Variants in EEPD1 observed in about 807,000 individuals in gnomAD.
The protein encoded by EEPD1 is endonuclease/exonuclease/phosphatase family domain containing 1.
Under a neutral mutation model 46.3 loss-of-function variants are expected in EEPD1, and 17 were observed. The observed-to-expected ratio is 0.37, with a 90% CI of 0.25 to 0.55. The LOEUF (loss-of-function observed/expected upper bound fraction) is 0.55, where lower values mean the gene tolerates loss of function less well. Among genes scored for constraint, EEPD1 ranks in the 20% least tolerant of loss-of-function variants. The pLI is 0.83. For missense variants in EEPD1, 673 were observed against 745.6 expected, an observed-to-expected ratio of 0.90 and a Z score of 1.13; for synonymous variants, 313 against 315.6, an observed-to-expected ratio of 0.99 and a Z score of 0.09.
At chr7:36,272,519 T>G (rs1426160817) in intron 3 of EEPD1, among the ~76,000 whole-genome samples, 9 of 143,320 alleles carry the variant, frequency 6.3e-5, no homozygotes, top group African/African-American at 2.2e-4. Context: ...TTTTTTTTTT[T>G]TTTGTGCTCC....
intron 3 of EEPD1, among the ~76,000 whole-genome samples, chr7:36,259,201 G>A (rs542107662): frequency 1.4e-4 from 22 of 152,282 alleles, no homozygotes; most frequent in African/African-American, 4.8e-4. Flanking sequence ...TCAATGAGAT[G>A]AGCCAGGTAC....
intron 2 of EEPD1, among the ~76,000 whole-genome samples, chr7:36,157,102 G>A (rs2002959): frequency 0.29 from 43,684 of 152,000 alleles, 6,490 homozygotes; most frequent in African/African-American, 0.38. Context: ...GTAATCTAAA[G>A]ATGAATTAAA....
At chr7:36,171,268 T>C (rs372351672) in intron 2 of EEPD1, among the ~76,000 whole-genome samples, 2 of 151,568 alleles carry the variant, frequency 1.3e-5, no homozygotes, top group African/African-American at 2.4e-5. Flanking sequence ...GGCTGTACGC[T>C]AAACCTCAGA....
At chr7:36,184,991 A>G (rs1400784434) in intron 2 of EEPD1, among the ~76,000 whole-genome samples, 14 of 152,188 alleles carry the variant, frequency 9.2e-5, no homozygotes, top group African/African-American at 2.9e-4. Flanking sequence ...TGGGCCTTCC[A>G]AAGTGCTGGG....
chr7:36,252,829 CTTTTTTTTTTTTTTTTTTT>C (rs71553053), intron 3 of EEPD1, among the ~76,000 whole-genome samples: 16 of 54,896 alleles, frequency 2.9e-4, no homozygotes, highest in African/African-American at 7.7e-4. Flanking sequence ...GTGTTCTCTC[CTTTTTTTTTTTTTTTTTTT>C]TTTTTTTTTT....
In EEPD1 at chr7:36,154,382, C is replaced by G. The variant is rs371723136; in HGVS notation, c.58C>G (p.His20Asp). ...SIPRDPSDLS[H>D]SRKFSAACNF... ...CCCCAGGGACCCCTCGGACCTGTCC[C>G]ATAGCCGCAAGTTCAGCGCAGCCTG... The change falls in exon 2 of 8, where the codon CAT becomes GAT. Residue 20 changes from histidine to aspartate, a missense_variant. Coordinates refer to ENST00000242108, the MANE Select transcript of EEPD1 (RefSeq NM_030636.3). This position sits in a 1 kb window ranked among gnomAD's most constrained non-coding sequence, Gnocchi z 4.2. 2.2e-5 allele frequency: 35 copies of G among 1,613,786 alleles called. No homozygotes were observed. The highest frequency in any genetic ancestry group is 3.0e-5 in the Non-Finnish European group (35 of 1,180,052).
At chr7:36,209,593 T>C (rs983259528) in intron 2 of EEPD1, among the ~76,000 whole-genome samples, 5 of 152,178 alleles carry the variant, frequency 3.3e-5, no homozygotes, top group Admixed American at 2.0e-4. Flanking sequence ...TGGGAGGCTA[T>C]TAAGAGCCAC....
intron 3 of EEPD1, among the ~76,000 whole-genome samples, chr7:36,262,182 C>A (rs1266061950): frequency 6.6e-6 from 1 of 152,196 alleles, no homozygotes; most frequent in African/African-American, 2.4e-5. Flanking sequence ...CGCATTTTTA[C>A]ATGCAGAATT....
At chr7:36,268,221 G>C (rs570049731) in intron 3 of EEPD1, among the ~76,000 whole-genome samples, 3 of 151,698 alleles carry the variant, frequency 2.0e-5, no homozygotes, top group African/African-American at 7.3e-5. Flanking sequence ...GTGTGATCTC[G>C]GCTCACTGCA....
chr7:36,183,888 T>TTTTTTTTTTG (rs3053348), intron 2 of EEPD1, among the ~76,000 whole-genome samples: 3 of 135,418 alleles, frequency 2.2e-5, no homozygotes, highest in Non-Finnish European at 4.9e-5. Flanking sequence ...TTTTTTTTTT[T>TTTTTTTTTTG]ATTTTTAAAA....
At chr7:36,173,852 G>A (rs1785130456) in intron 2 of EEPD1, among the ~76,000 whole-genome samples, 1 of 152,100 alleles carries the variant, frequency 6.6e-6, no homozygotes, top group African/African-American at 2.4e-5. Flanking sequence ...GACACATGGT[G>A]GGCAGCAGAG....
At chr7:36,253,216 A>G (rs1032848643) in intron 3 of EEPD1, among the ~76,000 whole-genome samples, 3 of 152,114 alleles carry the variant, frequency 2.0e-5, no homozygotes, top group African/African-American at 7.2e-5. Context: ...TTGGTTATTT[A>G]CAAGTGTATT....
At chr7:36,178,796 G>T (rs925853028) in intron 2 of EEPD1, among the ~76,000 whole-genome samples, 3 of 152,202 alleles carry the variant, frequency 2.0e-5, no homozygotes, top group Non-Finnish European at 2.9e-5. Context: ...AGCCCTCGAA[G>T]GTAAACTGTG....
chr7:36,207,049 A>T (rs541584164), intron 2 of EEPD1, among the ~76,000 whole-genome samples: 7 of 152,246 alleles, frequency 4.6e-5, no homozygotes, highest in Non-Finnish European at 8.8e-5. Context: ...ACTCTGTCTC[A>T]AAAACAAAAA....
intron 2 of EEPD1, among the ~76,000 whole-genome samples, chr7:36,157,588 C>G (rs1784845164): frequency 6.6e-6 from 1 of 152,224 alleles, no homozygotes; most frequent in African/African-American, 2.4e-5. Context: ...TAGAAGGGAT[C>G]ACCTGTAAGT....
intron 2 of EEPD1, among the ~76,000 whole-genome samples, chr7:36,183,168 G>T (rs1386660515): frequency 6.6e-6 from 1 of 152,210 alleles, no homozygotes; most frequent in Non-Finnish European, 1.5e-5. Context: ...GCAGCTGACT[G>T]TGTAGTGTTC....
intron 3 of EEPD1, among the ~76,000 whole-genome samples, chr7:36,251,155 C>T (rs1358092906): frequency 6.6e-6 from 1 of 152,332 alleles, no homozygotes; most frequent in Admixed American, 6.5e-5. Flanking sequence ...TGCTCCCATT[C>T]TTAATCCTCT....
chr7:36,237,108 G>A (rs1404987690), intron 2 of EEPD1, among the ~76,000 whole-genome samples: 4 of 152,134 alleles, frequency 2.6e-5, no homozygotes, highest in African/African-American at 4.8e-5. Context: ...CTCCACACGC[G>A]CCGCCTTTAT....
At chr7:36,292,257 G>A (rs1050049850) in intron 6 of EEPD1, among the ~76,000 whole-genome samples, 7 of 152,138 alleles carry the variant, frequency 4.6e-5, no homozygotes, top group East Asian at 1.9e-4. Context: ...CCAAGGTCAC[G>A]AAGCTGGGAA....
Sources: gnomAD v4.1 joint callset for allele counts (sites outside exome capture counted in the v4.1 genomes callset) on GRCh38, gnomAD v4.1.1 for gene constraint, Gnocchi (gnomAD v3.1) non-coding constraint, MANE v1.5 for transcripts, NCBI Gene and HGNC (gene_info 2026-07-23, HGNC 2026-07-21) for gene names.